Variants in CAV1 observed in about 807,000 individuals in gnomAD.
The protein encoded by CAV1 is caveolin-1.
CAV1 carries 10 observed loss-of-function variants against 16.5 expected under a neutral mutation model. The ratio of observed to expected loss-of-function variants is 0.61; its 90% CI spans 0.37 to 1.03. The LOEUF is 1.03. CAV1 is among the 50% of genes least tolerant of loss of function. The probability of loss-of-function intolerance (pLI) is 0.01; values close to 1 mark genes in which losing one functional copy is unlikely to be tolerated. For missense variants in CAV1, 212 were observed against 232.8 expected (o/e 0.91, Z 0.58); for synonymous variants, 76 against 85.1 (o/e 0.89, Z 0.59).
chr7:116,525,510 G>T, intron 1 of CAV1: 1 of 1,247,018 alleles, frequency 8.0e-7, no homozygotes, highest in South Asian at 1.6e-5. Context: ...GACAGTCCCC[G>T]GGACTCTCCG....
intron 2 of CAV1, among the ~76,000 whole-genome samples, chr7:116,547,534 A>C (rs1028637362): frequency 3.3e-5 from 5 of 152,178 alleles, no homozygotes; most frequent in Non-Finnish European, 7.3e-5. Context: ...CCTGGGGTAC[A>C]TTTGGTCACT....
intron 2 of CAV1, chr7:116,527,107 T>A: frequency 3.5e-6 from 1 of 289,066 alleles, no homozygotes; most frequent in Non-Finnish European, 6.8e-6. Context: ...GATAATTGTG[T>A]CAGGTCTTGT....
At chr7:116,525,722 C>T in intron 1 of CAV1, 1 of 1,061,150 alleles carries the variant, frequency 9.4e-7, no homozygotes, top group Middle Eastern at 4.7e-4. Flanking sequence ...GTGTGGAAAC[C>T]TCGTCTTCCA....
rs113043378 is a variant in CAV1 at position 116,555,448 on chromosome 7, A to AAAGGAAGGAAGGAAGG, written c.196-3484_196-3469dup. 3.5e-3 allele frequency among the ~76,000 whole-genome samples: 130 copies of AAAGGAAGGAAGGAAGG among 37,386 alleles called. 9 individuals carry two copies. Among genetic ancestry groups the AAAGGAAGGAAGGAAGG allele is most frequent in the African/African-American group, 7.6e-3 (84 of 11,016 alleles). 24.5% of individuals were successfully genotyped at this position (37,386 alleles called of 152,430 possible). On this transcript the variant is annotated intron_variant, in intron 2 of 2. Transcript: ENST00000341049. ...AGCAAGAACCTGTCTCCAAAAAAAG[A>AAAGGAAGGAAGGAAGG]AAGGAAGGAAGGAAGGAAGGAAGGA...
intron 2 of CAV1, among the ~76,000 whole-genome samples, chr7:116,531,357 G>A (rs1793682635): frequency 6.6e-6 from 1 of 152,120 alleles, no homozygotes; most frequent in South Asian, 2.1e-4. Flanking sequence ...TCTAAAATTG[G>A]AATGTAATGA....
intron 2 of CAV1, 124 bp downstream of exon 2, chr7:116,526,813 C>T (rs1186308275): frequency 2.8e-6 from 3 of 1,089,130 alleles, no homozygotes; most frequent in Non-Finnish European, 4.1e-6. Context: ...CGCACACACA[C>T]ACACACACAG....
At chr7:116,557,525 G>C (rs3807994) in intron 2 of CAV1, among the ~76,000 whole-genome samples, 1 of 151,914 alleles carries the variant, frequency 6.6e-6, no homozygotes, top group Non-Finnish European at 1.5e-5. Context: ...TTTTAATCCT[G>C]TGCTTCAGTG....
At chr7:116,534,923 G>A (rs1034800695) in intron 2 of CAV1, among the ~76,000 whole-genome samples, 6 of 152,140 alleles carry the variant, frequency 3.9e-5, no homozygotes, top group Admixed American at 2.0e-4. Flanking sequence ...GAATACTTGC[G>A]GGTTAGGCCA....
chr7:116,539,744 A>G (rs1793899206), intron 2 of CAV1, among the ~76,000 whole-genome samples: 1 of 152,082 alleles, frequency 6.6e-6, no homozygotes, highest in South Asian at 2.1e-4. Context: ...CATCCAGATG[A>G]TCTCCTGGGT....
Position 116,526,510 on chromosome 7 carries a change from C to G in CAV1, c.31-15C>G. The G allele has an allele frequency of 6.2e-7, 1 of 1,613,774 alleles. No individual in the cohort carries two copies. The highest frequency in any genetic ancestry group is 8.5e-7 in the Non-Finnish European group (1 of 1,179,998). ...GCCCTCCCCGTCCTGGCCGTCCGCC[C>G]TCCGCCCTCTGCAGGGACATCTCTA... On this transcript the variant is annotated splice_polypyrimidine_tract_variant and intron_variant, in intron 1 of 2. Coordinates refer to ENST00000341049, the MANE Select transcript of CAV1 (RefSeq NM_001753.5).
At chr7:116,543,964 TA>T (rs1237622437) in intron 2 of CAV1, among the ~76,000 whole-genome samples, 2 of 152,328 alleles carry the variant, frequency 1.3e-5, no homozygotes, top group Admixed American at 1.3e-4. Flanking sequence ...CTGACTCATA[TA>T]AAGTTTACCA....
chr7:116,525,971 G>A, intron 1 of CAV1: 3 of 349,362 alleles, frequency 8.6e-6, no homozygotes, highest in South Asian at 1.1e-4. Flanking sequence ...AGGGGGATGC[G>A]GCCAAGAAGC....
chr7:116,546,322 C>T (rs530423265), intron 2 of CAV1, among the ~76,000 whole-genome samples: 33 of 152,198 alleles, frequency 2.2e-4, no homozygotes, highest in African/African-American at 4.3e-4. Flanking sequence ...GAGATGGCTC[C>T]GGGTTCCCTC....
intron 2 of CAV1, among the ~76,000 whole-genome samples, chr7:116,536,876 G>A (rs539328990): frequency 1.1e-4 from 16 of 151,730 alleles, no homozygotes; most frequent in Admixed American, 3.9e-4. Flanking sequence ...GGTGGCGGGC[G>A]CCTGTAGTCC....
At chr7:116,537,466 T>TC (rs1387406184) in intron 2 of CAV1, among the ~76,000 whole-genome samples, 1 of 152,168 alleles carries the variant, frequency 6.6e-6, no homozygotes, top group Non-Finnish European at 1.5e-5. Flanking sequence ...ATTATTATTA[T>TC]CACCATCATA....
intron 1 of CAV1, 131 bp from the exon 2 acceptor site, chr7:116,526,394 T>A: frequency 6.5e-7 from 1 of 1,540,696 alleles, no homozygotes; most frequent in South Asian, 1.2e-5. Flanking sequence ...GAGCGGTTAG[T>A]TCGATTTCGA....
At chr7:116,526,804 GCACA>G (rs138907327) in intron 2 of CAV1, 115 bp downstream of exon 2, 212 of 1,008,838 alleles carry the variant, frequency 2.1e-4, no homozygotes, top group African/African-American at 4.5e-4. Flanking sequence ...CCCTACACGC[GCACA>G]CACACACACA....
rs150131929 is a variant in CAV1, at chr7:116,537,826, G to T, written c.195+11137G>T. Among the ~76,000 whole-genome samples, 13 of 152,368 alleles carry T rather than the reference G, an allele frequency of 8.5e-5. No homozygotes were observed. The East Asian group carries it at 2.3e-3, about 27-fold the overall frequency. On this transcript the variant is annotated intron_variant, in intron 2 of 2. Transcript: ENST00000341049. ...TGTAAAACCCCAGGCTTCAAGGAATGTGGATGCTGGGCAGGGAGGATTAAG... is the reference window on the plus strand; with the variant it reads ...TGTAAAACCCCAGGCTTCAAGGAATTTGGATGCTGGGCAGGGAGGATTAAG...
At chr7:116,536,830 C>T (rs1793826514) in intron 2 of CAV1, among the ~76,000 whole-genome samples, 1 of 151,178 alleles carries the variant, frequency 6.6e-6, no homozygotes, top group Non-Finnish European at 1.5e-5. Flanking sequence ...GGTGAAACCC[C>T]GTCTCTACTA....
Sources: gnomAD v4.1 joint callset for allele counts (sites outside exome capture counted in the v4.1 genomes callset) on GRCh38, gnomAD v4.1.1 for gene constraint, MANE v1.5 for transcripts, NCBI Gene and HGNC (gene_info 2026-07-23, HGNC 2026-07-21) for gene names.